FSTL5: variants seen among roughly 807,000 people sequenced by gnomAD.
FSTL5 encodes follistatin like 5.
Under a neutral mutation model 89.1 loss-of-function variants are expected in FSTL5, and 62 were observed. The observed-to-expected ratio is 0.70, with a 90% CI of 0.57 to 0.86. The LOEUF (loss-of-function observed/expected upper bound fraction) is 0.86, where lower values mean the gene tolerates loss of function less well. Ranked by LOEUF, FSTL5 falls within the 40% of genes least tolerant of loss-of-function variation. The pLI is 0.00. For synonymous variants in FSTL5, 383 were observed against 346.2 expected (o/e 1.11, Z -1.18); for missense variants, 1,057 against 1,001.6 (o/e 1.06, Z -0.75).
At chr4:161,574,345 T>C (rs1259910951) in intron 8 of FSTL5, among the ~76,000 whole-genome samples, 1 of 123,630 alleles carries the variant, frequency 8.1e-6, no homozygotes, top group Non-Finnish European at 1.7e-5. Context: ...TTTTTTTTTC[T>C]TTTTTTTTTT....
At chr4:161,742,074 A>T (rs1740047619) in intron 6 of FSTL5, among the ~76,000 whole-genome samples, 1 of 152,114 alleles carries the variant, frequency 6.6e-6, no homozygotes, top group Non-Finnish European at 1.5e-5. Context: ...GCATTTTTGG[A>T]TAATACTTTG....
At chr4:162,015,224 G>T (rs1736883204) in intron 3 of FSTL5, among the ~76,000 whole-genome samples, 1 of 152,132 alleles carries the variant, frequency 6.6e-6, no homozygotes, top group Admixed American at 6.6e-5. Context: ...GGGAGGCTGG[G>T]TCACTAAAGA....
At chr4:162,005,491 G>C (rs1736590128) in intron 3 of FSTL5, among the ~76,000 whole-genome samples, 1 of 152,100 alleles carries the variant, frequency 6.6e-6, no homozygotes, top group South Asian at 2.1e-4. Flanking sequence ...GAATAAGAAA[G>C]CCAGAGAATG....
At chr4:161,642,653 T>TA (rs1407349112) in intron 7 of FSTL5, among the ~76,000 whole-genome samples, 1 of 152,182 alleles carries the variant, frequency 6.6e-6, no homozygotes. Flanking sequence ...TTACATTTGA[T>TA]AAGACAGGGA....
chr4:161,581,420 T>C (rs1733436096), intron 8 of FSTL5, among the ~76,000 whole-genome samples: 1 of 152,184 alleles, frequency 6.6e-6, no homozygotes, highest in Non-Finnish European at 1.5e-5. Flanking sequence ...TAGATCTCAC[T>C]GTCTCACTTT....
intron 2 of FSTL5, among the ~76,000 whole-genome samples, chr4:162,048,598 T>C (rs1313926819): frequency 6.7e-6 from 1 of 149,432 alleles, no homozygotes; most frequent in Non-Finnish European, 1.5e-5. Flanking sequence ...ATTATACACA[T>C]ACACACACAC....
At chr4:161,984,785 T>G (rs1205936556) in intron 3 of FSTL5, among the ~76,000 whole-genome samples, 2 of 152,110 alleles carry the variant, frequency 1.3e-5, no homozygotes, top group Non-Finnish European at 2.9e-5. Context: ...TTGTACTGTC[T>G]TTACTAGTAT....
intron 2 of FSTL5, among the ~76,000 whole-genome samples, chr4:162,076,315 T>G (rs1409313552): frequency 6.6e-6 from 1 of 151,938 alleles, no homozygotes; most frequent in Non-Finnish European, 1.5e-5. Flanking sequence ...ATTAATTGCC[T>G]TCTTTTTCCC....
At chr4:161,591,384 G>A (rs1363254500) in intron 7 of FSTL5, among the ~76,000 whole-genome samples, 3 of 152,180 alleles carry the variant, frequency 2.0e-5, no homozygotes, top group Non-Finnish European at 4.4e-5. Context: ...AACTTCGACA[G>A]CCATGATGGC....
At chr4:161,606,186 C>A (rs577541163) in intron 7 of FSTL5, among the ~76,000 whole-genome samples, 10 of 150,972 alleles carry the variant, frequency 6.6e-5, no homozygotes, top group Non-Finnish European at 1.3e-4. Flanking sequence ...CAATCGAGAT[C>A]GGCAGAACCT....
intron 4 of FSTL5, among the ~76,000 whole-genome samples, chr4:161,862,404 T>G (rs991644672): frequency 1.3e-5 from 2 of 152,152 alleles, no homozygotes; most frequent in Non-Finnish European, 2.9e-5. Flanking sequence ...GATGCCATAT[T>G]CAGTGTAGGC....
intron 4 of FSTL5, among the ~76,000 whole-genome samples, chr4:161,875,758 C>CGTTA (rs1732422331): frequency 6.6e-6 from 1 of 152,270 alleles, no homozygotes; most frequent in East Asian, 1.9e-4. Context: ...ACCTTTTCCC[C>CGTTA]TAACTTGATT....
At position 162,076,002 on chromosome 4, in the gene FSTL5, A is replaced by G. The variant is rs150236322; in HGVS notation, c.126+35269T>C. On this transcript the variant is annotated intron_variant, in intron 2 of 15. Coordinates refer to ENST00000306100, the MANE Select transcript of FSTL5 (RefSeq NM_020116.5). ...TGATTTCCTCAGAGTATTCCCAATA[A>G]GACATCTGAATCCAAATCTCTTTCT... Among the ~76,000 whole-genome samples the G allele has an allele frequency of 2.5e-3, 379 of 152,022 alleles. 1 individual carries two copies. The highest frequency in any genetic ancestry group is 8.5e-3 in the African/African-American group (354 of 41,520).
intron 4 of FSTL5, among the ~76,000 whole-genome samples, chr4:161,793,996 G>A (rs1290731258): frequency 6.6e-6 from 1 of 152,136 alleles, no homozygotes; most frequent in Non-Finnish European, 1.5e-5. Flanking sequence ...AGTGAGAGTG[G>A]TCAGGAAAGT....
At position 161,656,471 on chromosome 4, in the gene FSTL5, C is replaced by T; in HGVS notation, c.751G>A (p.Glu251Lys). The T allele has an allele frequency of 1.3e-6, 2 of 1,593,648 alleles. No individual in the cohort carries two copies. Among genetic ancestry groups the T allele is most frequent in the East Asian group, 2.3e-5 (1 of 44,064 alleles). ...GCAGTGATGCTTAGTTTCTGATCTTCTGGCAGACTCAACTGGATCACTTCT... is the reference window on the plus strand; with the variant it reads ...GCAGTGATGCTTAGTTTCTGATCTTTTGGCAGACTCAACTGGATCACTTCT... The part of the protein sequence containing the change: ...AFQVIQLSLP[E>K]DQKLSITAAT... Residue 251 changes from glutamate to lysine, a missense_variant, in exon 7 of 16, where the codon GAA (glutamate) becomes AAA (lysine). Coordinates refer to ENST00000306100, the MANE Select transcript of FSTL5 (RefSeq NM_020116.5).
chr4:161,655,836 C>T (rs1227749214), intron 7 of FSTL5, among the ~76,000 whole-genome samples: 1 of 151,996 alleles, frequency 6.6e-6, no homozygotes, highest in Non-Finnish European at 1.5e-5. Flanking sequence ...ACATATAAAT[C>T]CCCCTCACTG....
chr4:161,611,150 A>ATG (rs1262999595), intron 7 of FSTL5, among the ~76,000 whole-genome samples: 2 of 147,024 alleles, frequency 1.4e-5, no homozygotes, highest in South Asian at 2.2e-4. Context: ...ATCTATATAT[A>ATG]TGTGTGTGTA....
intron 4 of FSTL5, among the ~76,000 whole-genome samples, chr4:161,830,501 T>A (rs1040068748): frequency 5.9e-5 from 9 of 152,050 alleles, no homozygotes; most frequent in African/African-American, 1.9e-4. Flanking sequence ...TTGAACTTTT[T>A]ATTATGAGTA....
chr4:161,869,460 G>C (rs1215774609), intron 4 of FSTL5, among the ~76,000 whole-genome samples: 4 of 152,138 alleles, frequency 2.6e-5, no homozygotes, highest in African/African-American at 9.7e-5. Context: ...CACTGTAGCT[G>C]ACATTATGGC....
Sources: gnomAD v4.1 joint callset for allele counts (sites outside exome capture counted in the v4.1 genomes callset) on GRCh38, gnomAD v4.1.1 for gene constraint, MANE v1.5 for transcripts, NCBI Gene and HGNC (gene_info 2026-07-23, HGNC 2026-07-21) for gene names.